The following EZR variants were observed in gnomAD, a reference collection of about 807,000 sequenced individuals.
EZR encodes the protein cytovillin 2.
In EZR, 40 loss-of-function variants were observed where a neutral mutation model predicts 74.8. That is an observed-to-expected ratio of 0.53 (90% CI 0.42 to 0.70). EZR has a LOEUF of 0.70. EZR is among the 30% of genes least tolerant of loss of function. EZR has a pLI of 0.00. For synonymous variants in EZR, 341 were observed against 283.3 expected (o/e 1.20, Z -2.05); for missense variants, 678 against 755.8 (o/e 0.90, Z 1.21).
chr6:158,811,997 T>C (rs1452439710), intron 2 of EZR, among the ~76,000 whole-genome samples: 1 of 152,184 alleles, frequency 6.6e-6, no homozygotes, highest in African/African-American at 2.4e-5. Context: ...AGCCTCTTTT[T>C]TTCTCTTTGA....
At position 158,766,189 on chromosome 6, in the gene EZR, T is replaced by C. The variant is rs760771134; in HGVS notation, c.*725A>G. On this transcript the variant is annotated 3_prime_UTR_variant, in exon 14 of 14. Coordinates refer to ENST00000367075, the MANE Select transcript of EZR (RefSeq NM_001111077.2). ...TAACAAAATATACAGAACAAAACTT[T>C]CCCTTTTTAAAACTAATGTTACAAA... 4 of 152,558 alleles carry C rather than the reference T, an allele frequency of 2.6e-5. No individual in the cohort carries two copies. The highest frequency in any genetic ancestry group is 5.9e-5 in the Non-Finnish European group (4 of 68,046). 9.5% of individuals were successfully genotyped at this position (152,558 alleles called of 1,614,324 possible). A position where few individuals can be genotyped will look rare whatever the true frequency, so the allele number is the denominator to read the frequency against.
chr6:158,769,008 G>A (rs1249392353), intron 12 of EZR, among the ~76,000 whole-genome samples: 3 of 152,184 alleles, frequency 2.0e-5, no homozygotes, highest in Non-Finnish European at 4.4e-5. Flanking sequence ...TCCTGACCGG[G>A]GGCTGTCAGA....
chr6:158,811,668 C>T (rs994038922), intron 2 of EZR, among the ~76,000 whole-genome samples: 1 of 152,016 alleles, frequency 6.6e-6, no homozygotes, highest in African/African-American at 2.4e-5. Flanking sequence ...TGAGACTAGC[C>T]GCCTGGGCCA....
chr6:158,780,200 CAAG>C (rs1461998346), intron 7 of EZR, among the ~76,000 whole-genome samples: 2 of 116,930 alleles, frequency 1.7e-5, no homozygotes, highest in Non-Finnish European at 3.9e-5. Context: ...AAAAAAAAAC[CAAG>C]AATGATTAAA....
At chr6:158,818,598 A>T (rs1203945808) in intron 1 of EZR, among the ~76,000 whole-genome samples, 4 of 112,234 alleles carry the variant, frequency 3.6e-5, no homozygotes, top group African/African-American at 1.4e-4. Flanking sequence ...GGGTCAGGGG[A>T]GAGAGCGCCG....
Position 158,771,360 on chromosome 6 carries a change from C to T in EZR, c.843G>A (p.Leu281=), listed in dbSNP as rs533214916. The part of the protein sequence containing the change: ...APRLRINKRI[L]QLCMGNHELY... ...ACTCATGGTTGCCCATGCAGAGCTG[C>T]AGGATCCGCTTGTTGATTCTCAGAC... Residue 281 remains leucine (L), a synonymous_variant, in exon 9 of 14, where the codon CTG becomes CTA. Coordinates refer to ENST00000367075, the MANE Select transcript of EZR (RefSeq NM_001111077.2). The T allele has an allele frequency of 6.2e-7, 1 of 1,613,892 alleles. No homozygotes were observed.
intron 12 of EZR, among the ~76,000 whole-genome samples, chr6:158,767,836 C>T (rs1459540844): frequency 6.6e-6 from 1 of 152,098 alleles, no homozygotes; most frequent in Admixed American, 6.5e-5. Context: ...CCTAGCCTCC[C>T]TTCATGCCAC....
intron 2 of EZR, among the ~76,000 whole-genome samples, chr6:158,801,865 G>T (rs374629142): frequency 2.0e-5 from 3 of 152,226 alleles, no homozygotes; most frequent in Non-Finnish European, 4.4e-5. Flanking sequence ...GCAGAGTTCC[G>T]AGTACAGACC....
At chr6:158,809,963 A>C (rs1171326698) in intron 2 of EZR, among the ~76,000 whole-genome samples, 1 of 152,228 alleles carries the variant, frequency 6.6e-6, no homozygotes, top group Non-Finnish European at 1.5e-5. Flanking sequence ...AAAAACAATT[A>C]TTTACAGTAT....
chr6:158,793,729 T>C (rs560882491), intron 2 of EZR, among the ~76,000 whole-genome samples: 1 of 152,230 alleles, frequency 6.6e-6, no homozygotes, highest in African/African-American at 2.4e-5. Flanking sequence ...CACACACACA[T>C]TTCCAAATGC....
rs548845431 is a variant in EZR, at chr6:158,776,316, C to T, written c.795+92G>A. The T allele has an allele frequency of 1.0e-4, 107 of 1,060,474 alleles. 1 individual carries two copies. In the Middle Eastern group the frequency reaches 1.8e-3, roughly 18 times the overall value. 65.7% of individuals were successfully genotyped at this position (1,060,474 alleles called of 1,614,324 possible). On this transcript the variant is annotated intron_variant, in intron 8 of 13. Transcript: ENST00000367075. ...ACCTCATGAGGAGTTTGGACTATCA[C>T]TGGCTACTCGTCACAGTATAACTTG... is the stretch of plus-strand genomic sequence containing the variant.
chr6:158,818,902 G>A (rs1777628710), intron 1 of EZR, among the ~76,000 whole-genome samples: 1 of 152,088 alleles, frequency 6.6e-6, no homozygotes, highest in Non-Finnish European at 1.5e-5. Flanking sequence ...CGGGCTCGGG[G>A]TCCGCCGAGG....
chr6:158,790,083 G>A (rs1227136560), intron 2 of EZR, among the ~76,000 whole-genome samples: 1 of 152,154 alleles, frequency 6.6e-6, no homozygotes, highest in Non-Finnish European at 1.5e-5. Flanking sequence ...AAGGTTTGAA[G>A]CAACCTTAGA....
intron 9 of EZR, 140 bp from the exon 10 acceptor site, chr6:158,771,034 G>C (rs1791090502): frequency 2.9e-6 from 4 of 1,392,850 alleles, no homozygotes; most frequent in Non-Finnish European, 2.9e-6. Context: ...AGCCTGAGCT[G>C]CCTGACGGAG....
At chr6:158,806,719 A>C (rs537744772) in intron 2 of EZR, among the ~76,000 whole-genome samples, 1 of 152,314 alleles carries the variant, frequency 6.6e-6, no homozygotes, top group Admixed American at 6.5e-5. Flanking sequence ...GCACCTTGTT[A>C]TCACACTATT....
intron 2 of EZR, among the ~76,000 whole-genome samples, chr6:158,799,398 G>T (rs1407139077): frequency 6.6e-6 from 1 of 152,152 alleles, no homozygotes; most frequent in Admixed American, 6.5e-5. Context: ...AACGCAAAAG[G>T]ACATGACCTG....
chr6:158,816,399 C>T (rs528622678), intron 2 of EZR, among the ~76,000 whole-genome samples: 101 of 152,274 alleles, frequency 6.6e-4, no homozygotes, highest in African/African-American at 2.3e-3. Flanking sequence ...AAAGTAGTGA[C>T]GGAGAACAGG....
intron 12 of EZR, 136 bp downstream of exon 12, chr6:158,769,190 C>G (rs918835245): frequency 1.2e-5 from 8 of 669,008 alleles, no homozygotes; most frequent in Non-Finnish European, 1.8e-5. Flanking sequence ...ATGAGACATC[C>G]CAGAAGCTTC....
At chr6:158,811,892 C>T (rs556649512) in intron 2 of EZR, among the ~76,000 whole-genome samples, 3 of 122,518 alleles carry the variant, frequency 2.4e-5, no homozygotes, top group East Asian at 4.1e-4. Flanking sequence ...AAAAAATTCA[C>T]ATTATTTCAT....
Sources: allele counts gnomAD v4.1 joint callset (sites outside exome capture counted in the v4.1 genomes callset), GRCh38; gene constraint gnomAD v4.1.1; transcripts MANE v1.5; gene names NCBI Gene and HGNC (gene_info 2026-07-23, HGNC 2026-07-21).